The following CTNNA3 variants were observed in gnomAD, a reference collection of about 807,000 sequenced individuals.
CTNNA3 encodes the protein catenin alpha 3, also known as catenin alpha-3.
Under a neutral mutation model 95.7 loss-of-function variants are expected in CTNNA3, and 76 were observed. The ratio of observed to expected loss-of-function variants is 0.79; its 90% CI spans 0.66 to 0.96. The LOEUF is 0.96. Among genes scored for constraint, CTNNA3 ranks in the 40% least tolerant of loss-of-function variants. The pLI, the probability that CTNNA3 is intolerant of heterozygous loss-of-function variation, is 0.00. For missense variants in CTNNA3, 1,191 were observed against 1,089.8 expected (o/e 1.09, Z -1.31); for synonymous variants, 431 against 374.4 (o/e 1.15, Z -1.74).
chr10:66,801,053 T>C (rs1841409313), intron 7 of CTNNA3, among the ~76,000 whole-genome samples: 1 of 151,532 alleles, frequency 6.6e-6, no homozygotes, highest in South Asian at 2.1e-4. Flanking sequence ...ACTAATCTTA[T>C]GCAAAATCTC....
At chr10:67,749,460 G>C (rs910986997) in intron 1 of CTNNA3, among the ~76,000 whole-genome samples, 2 of 152,248 alleles carry the variant, frequency 1.3e-5, no homozygotes, top group Admixed American at 6.5e-5. Context: ...ATAACAAACA[G>C]TCTCTCAGAC....
At chr10:67,133,328 TACACACACACACACAATGGTAG>T (rs1251739430) in intron 7 of CTNNA3, among the ~76,000 whole-genome samples, 138 of 104,996 alleles carry the variant, frequency 1.3e-3, no homozygotes, top group Non-Finnish European at 1.7e-3. Context: ...TATATATTTA[TACACACACACACACAATGGTAG>T]ATACATACAT....
intron 17 of CTNNA3, among the ~76,000 whole-genome samples, chr10:65,930,199 TAAAAAAAA>T (rs71472402): frequency 3.3e-5 from 2 of 60,740 alleles, no homozygotes; most frequent in Non-Finnish European, 6.4e-5. Flanking sequence ...CAGAGCTCAG[TAAAAAAAA>T]AAAAAAAAAA....
intron 13 of CTNNA3, among the ~76,000 whole-genome samples, chr10:66,183,624 A>G (rs570667414): frequency 2.6e-5 from 4 of 152,318 alleles, no homozygotes; most frequent in East Asian, 1.9e-4. Context: ...TAATGTTTCT[A>G]TGAATGTTTT....
chr10:66,529,439 GT>G (rs201667838), intron 10 of CTNNA3, among the ~76,000 whole-genome samples: 10 of 50,632 alleles, frequency 2.0e-4, no homozygotes, highest in East Asian at 1.9e-3. Flanking sequence ...GCCAAACAGT[GT>G]TTTTTTTTTG....
chr10:67,051,902 G>A (rs1259467708), intron 7 of CTNNA3, among the ~76,000 whole-genome samples: 1 of 151,948 alleles, frequency 6.6e-6, no homozygotes, highest in East Asian at 1.9e-4. Flanking sequence ...CTACAGGCAT[G>A]CCCCACTACA....
chr10:66,875,196 G>A (rs759046947), intron 7 of CTNNA3, among the ~76,000 whole-genome samples: 1 of 152,092 alleles, frequency 6.6e-6, no homozygotes, highest in Non-Finnish European at 1.5e-5. Flanking sequence ...TGTGGGAGAA[G>A]TTTCGTGTGG....
chr10:67,627,318 G>T (rs568772113), intron 2 of CTNNA3, among the ~76,000 whole-genome samples: 1 of 152,116 alleles, frequency 6.6e-6, no homozygotes, highest in Non-Finnish European at 1.5e-5. Context: ...CCTACCCTTC[G>T]TAGTCATCCT....
intron 13 of CTNNA3, among the ~76,000 whole-genome samples, chr10:66,135,136 A>T (rs2083287904): frequency 6.6e-6 from 1 of 152,210 alleles, no homozygotes; most frequent in African/African-American, 2.4e-5. Flanking sequence ...TTCATAATGC[A>T]ATATTTCTTA....
chr10:66,430,278 T>C lies in CTNNA3; in HGVS notation c.1532-50926A>G, dbSNP rs185774602. The stretch of plus-strand genomic sequence containing the variant: ...AGGATACAAACAAATGGAAGAACAT[T>C]CCATGCTCATGGACAGGAAGAATCA... On this transcript the variant is annotated intron_variant, in intron 11 of 17. Transcript: ENST00000433211. Among the ~76,000 whole-genome samples, 531 of 152,144 alleles carry C rather than the reference T, an allele frequency of 3.5e-3. 3 individuals carry two copies. The highest frequency in any genetic ancestry group is 6.5e-3 in the Non-Finnish European group (439 of 68,018).
At chr10:66,657,026 T>C (rs1252745333) in intron 9 of CTNNA3, among the ~76,000 whole-genome samples, 6 of 152,120 alleles carry the variant, frequency 3.9e-5, no homozygotes, top group Admixed American at 3.3e-4. Flanking sequence ...TTGAAGTTTT[T>C]CTCTGAGTAG....
chr10:66,436,613 C>T (rs1383841936), intron 11 of CTNNA3, among the ~76,000 whole-genome samples: 1 of 146,432 alleles, frequency 6.8e-6, no homozygotes, highest in African/African-American at 2.5e-5. Flanking sequence ...CTCCTGAATA[C>T]AGGACACCTA....
At chr10:66,995,022 A>T (rs940536162) in intron 7 of CTNNA3, among the ~76,000 whole-genome samples, 3 of 152,144 alleles carry the variant, frequency 2.0e-5, no homozygotes, top group African/African-American at 4.8e-5. Context: ...ATGCCTTCTC[A>T]TTCCAAGTAT....
intron 1 of CTNNA3, among the ~76,000 whole-genome samples, chr10:67,721,460 CT>C (rs1181344454): frequency 6.6e-6 from 1 of 152,042 alleles, no homozygotes; most frequent in African/African-American, 2.4e-5. Context: ...GCTATTGATA[CT>C]TACGTATGCT....
intron 9 of CTNNA3, among the ~76,000 whole-genome samples, chr10:66,696,322 T>A (rs1436135976): frequency 1.3e-5 from 2 of 152,174 alleles, no homozygotes; most frequent in African/African-American, 4.8e-5. Context: ...CCAGCCTTCC[T>A]GATAGGCGTA....
intron 15 of CTNNA3, among the ~76,000 whole-genome samples, chr10:66,047,877 T>G (rs142674077): frequency 0.024 from 3,627 of 150,350 alleles, 139 homozygotes; most frequent in African/African-American, 0.082. Flanking sequence ...TCATTCACAA[T>G]TGCCACAAAA....
chr10:66,507,885 T>C (rs1840507399), intron 11 of CTNNA3, among the ~76,000 whole-genome samples: 2 of 152,276 alleles, frequency 1.3e-5, no homozygotes, highest in Middle Eastern at 3.4e-3. Context: ...CACTGCTAAA[T>C]CATATGGTGG....
At chr10:66,388,401 A>G (rs2092910143) in intron 11 of CTNNA3, among the ~76,000 whole-genome samples, 1 of 152,174 alleles carries the variant, frequency 6.6e-6, no homozygotes, top group Admixed American at 6.5e-5. Flanking sequence ...GAAAATATAC[A>G]AAGAATATTC....
chr10:67,375,457 A>G (rs1400529935), intron 5 of CTNNA3, among the ~76,000 whole-genome samples: 1 of 152,076 alleles, frequency 6.6e-6, no homozygotes, highest in Non-Finnish European at 1.5e-5. Flanking sequence ...AATACAAAAA[A>G]ATTAGCCTAG....
Sources: allele counts gnomAD v4.1 joint callset (sites outside exome capture counted in the v4.1 genomes callset), GRCh38; gene constraint gnomAD v4.1.1; transcripts MANE v1.5; gene names NCBI Gene and HGNC (gene_info 2026-07-23, HGNC 2026-07-21).